The following YPEL2 variants were observed in gnomAD, a reference collection of about 807,000 sequenced individuals.
YPEL2 encodes the protein protein yippee-like 2.
YPEL2 carries 2 observed loss-of-function variants against 19.1 expected under a neutral mutation model. The observed-to-expected ratio is 0.10, with a 90% CI of 0.04 to 0.33. The LOEUF (loss-of-function observed/expected upper bound fraction) is 0.33. YPEL2 is among the 10% of genes least tolerant of loss of function. YPEL2 has a pLI of 1.00. For synonymous variants in YPEL2, 52 were observed against 50.0 expected (o/e 1.04, Z -0.17); for missense variants, 66 against 140.7 (o/e 0.47, Z 2.68).
chr17:59,383,646 A>G (rs2061715837), intron 2 of YPEL2, among the ~76,000 whole-genome samples: 1 of 111,780 alleles, frequency 8.9e-6, no homozygotes, highest in South Asian at 3.2e-4. Context: ...ATATATATAT[A>G]TATATGGTCT....
intron 2 of YPEL2, among the ~76,000 whole-genome samples, chr17:59,386,217 C>A (rs1423597374): frequency 6.6e-6 from 1 of 151,436 alleles, no homozygotes; most frequent in Non-Finnish European, 1.5e-5. Context: ...GTCCCAGTTA[C>A]TCTGGAGGCT....
At chr17:59,389,843 GCAATCTAGC>G (rs2047998946) in intron 4 of YPEL2, among the ~76,000 whole-genome samples, 1 of 151,876 alleles carries the variant, frequency 6.6e-6, no homozygotes, top group Admixed American at 6.6e-5. Flanking sequence ...TATGTCCAAG[GCAATCTAGC>G]CATTAAATAG....
At chr17:59,391,227 T>C (rs1430703933) in intron 4 of YPEL2, among the ~76,000 whole-genome samples, 2 of 152,166 alleles carry the variant, frequency 1.3e-5, no homozygotes, top group East Asian at 3.9e-4. Context: ...CTGAAGGAGT[T>C]GTCAAACCTG....
intron 2 of YPEL2, among the ~76,000 whole-genome samples, chr17:59,372,954 A>C (rs954889034): frequency 6.6e-6 from 1 of 152,104 alleles, no homozygotes; most frequent in African/African-American, 2.4e-5. Flanking sequence ...GCTCACTGCA[A>C]CCTCTGCCTC....
Position 59,353,832 on chromosome 17 carries a change from T to A in YPEL2, c.117+306T>A. ...AGCCTTGTTCTCAGCTTGCTTGGTT[T>A]AGGTTGGCGGACGAAGAGTGAAGAG... On this transcript the variant is annotated intron_variant, in intron 2 of 4. Coordinates refer to ENST00000312655, the MANE Select transcript of YPEL2 (RefSeq NM_001005404.4). The surrounding 1 kb of genome is among the most constrained non-coding windows in gnomAD (Gnocchi z 4.8). The A allele has an allele frequency of 2.6e-6, 1 of 383,850 alleles. No individual in the cohort carries two copies. The highest frequency in any genetic ancestry group is 5.0e-6 in the Non-Finnish European group (1 of 199,534). The allele number at this position is 383,850 out of a possible 1,614,324, so 23.8% of individuals were successfully genotyped here.
chr17:59,383,593 A>T (rs2047962081), intron 2 of YPEL2, among the ~76,000 whole-genome samples: 1 of 52,432 alleles, frequency 1.9e-5, no homozygotes, highest in African/African-American at 9.2e-5. Context: ...AAAAAAAAAA[A>T]AAAAAAAAAA....
chr17:59,365,891 C>T (rs559539839), intron 2 of YPEL2, among the ~76,000 whole-genome samples: 2 of 152,272 alleles, frequency 1.3e-5, no homozygotes, highest in Non-Finnish European at 1.5e-5. Context: ...TCCATAAACT[C>T]CCTCCCCTCC....
chr17:59,398,754 C>G lies in YPEL2; in HGVS notation c.*1564C>G, dbSNP rs1192521404. On this transcript the variant is annotated 3_prime_UTR_variant, in exon 5 of 5. Transcript: ENST00000312655. Reference sequence around the variant, plus strand: ...CGTGTTAGGTAATTCTCAGCATCTCCTCCAAGTAGGCCGACCTTCTCGGAA... The same window carrying G: ...CGTGTTAGGTAATTCTCAGCATCTCGTCCAAGTAGGCCGACCTTCTCGGAA... The G allele has an allele frequency of 1.3e-5, 2 of 152,144 alleles. No homozygotes were observed. Among genetic ancestry groups the G allele is most frequent in the African/African-American group, 4.8e-5 (2 of 41,408 alleles). 9.4% of individuals were successfully genotyped at this position (152,144 alleles called of 1,614,324 possible). A position where few individuals can be genotyped will look rare whatever the true frequency, so the allele number is the denominator to read the frequency against.
chr17:59,371,520 G>A (rs2047897403), intron 2 of YPEL2, among the ~76,000 whole-genome samples: 1 of 152,212 alleles, frequency 6.6e-6, no homozygotes, highest in South Asian at 2.1e-4. Flanking sequence ...GTTTGTGTGA[G>A]CTGGAGAATG....
intron 2 of YPEL2, among the ~76,000 whole-genome samples, chr17:59,362,314 G>A (rs1314814491): frequency 1.3e-5 from 2 of 151,806 alleles, no homozygotes; most frequent in African/African-American, 2.4e-5. Flanking sequence ...ATGGACAAGG[G>A]GAATTGGGTT....
chr17:59,370,737 G>A (rs973322991), intron 2 of YPEL2, among the ~76,000 whole-genome samples: 7 of 107,194 alleles, frequency 6.5e-5, no homozygotes, highest in Non-Finnish European at 1.1e-4. Context: ...CTGGCCCATC[G>A]AGCCATGGCA....
intron 2 of YPEL2, among the ~76,000 whole-genome samples, chr17:59,367,291 A>C (rs143336937): frequency 4.5e-4 from 69 of 152,364 alleles, no homozygotes; most frequent in African/African-American, 1.6e-3. Flanking sequence ...GACTTCATTC[A>C]AAAGCCAGTT....
intron 4 of YPEL2, among the ~76,000 whole-genome samples, chr17:59,394,374 G>A (rs542500112): frequency 1.5e-3 from 222 of 150,394 alleles, no homozygotes; most frequent in African/African-American, 5.2e-3. Flanking sequence ...CATCCCAGAC[G>A]GGGCGGCGGG....
intron 2 of YPEL2, among the ~76,000 whole-genome samples, chr17:59,370,365 A>AATTTTT (rs2047891049): frequency 1.3e-5 from 2 of 152,258 alleles, no homozygotes; most frequent in East Asian, 1.9e-4. Context: ...GCCCAGCCAG[A>AATTTTT]ATTTTTATTT....
In YPEL2 at chr17:59,361,059, T is replaced by G. The variant is rs187473867; in HGVS notation, c.117+7533T>G. ...GTTGGCCAGCCTGGTCTCGACCTCC[T>G]GACCTCAAGCAATCCACCTGCCTCT... On this transcript the variant is annotated intron_variant, in intron 2 of 4. Coordinates refer to ENST00000312655, the MANE Select transcript of YPEL2 (RefSeq NM_001005404.4). Among the ~76,000 whole-genome samples the G allele has an allele frequency of 1.8e-3, 279 of 152,312 alleles. 2 individuals are homozygous for G. In the Middle Eastern group the frequency reaches 0.02, roughly 11 times the overall value.
At chr17:59,386,772 A>G (rs1376328485) in intron 2 of YPEL2, among the ~76,000 whole-genome samples, 1 of 152,174 alleles carries the variant, frequency 6.6e-6, no homozygotes, top group African/African-American at 2.4e-5. Flanking sequence ...GCTCAGTTGT[A>G]GCCTGGAAGC....
chr17:59,367,487 T>C (rs1280354850), intron 2 of YPEL2, among the ~76,000 whole-genome samples: 5 of 152,208 alleles, frequency 3.3e-5, no homozygotes, highest in African/African-American at 9.7e-5. Flanking sequence ...CCACAGAGAA[T>C]ATATAAACAA....
In YPEL2 at chr17:59,353,464, C is replaced by T. The variant is rs748067055; in HGVS notation, c.55C>T (p.Arg19Trp). 1.2e-6 allele frequency: 2 copies of T among 1,612,856 alleles called. No individual in the cohort carries two copies. Among genetic ancestry groups the T allele is most frequent in the African/African-American group, 1.3e-5 (1 of 74,908 alleles). Residue 19 changes from arginine to tryptophan, a missense_variant, in exon 2 of 5, where the codon CGG (arginine) becomes TGG (tryptophan). By Grantham distance (101) the Arg-to-Trp change is moderately radical (BLOSUM62 -3). Transcript: ENST00000312655. The surrounding 1 kb of genome is among the most constrained non-coding windows in gnomAD (Gnocchi z 4.8). ...CCAGGCATATCTGCCCTCCTGCCAC[C>T]GGACCTACAGCTGCATTCACTGCAG... ...TFQAYLPSCH[R>W]TYSCIHCRAH...
At chr17:59,390,224 A>T (rs945431024) in intron 4 of YPEL2, among the ~76,000 whole-genome samples, 1 of 151,810 alleles carries the variant, frequency 6.6e-6, no homozygotes, top group Non-Finnish European at 1.5e-5. Flanking sequence ...CTGGTCTCGA[A>T]CTCCTGACCT....
Sources: gnomAD v4.1 joint callset for allele counts (sites outside exome capture counted in the v4.1 genomes callset) on GRCh38, gnomAD v4.1.1 for gene constraint, Gnocchi (gnomAD v3.1) non-coding constraint, MANE v1.5 for transcripts, NCBI Gene and HGNC (gene_info 2026-07-23, HGNC 2026-07-21) for gene names.